Variants in SYT16 observed in about 807,000 individuals in gnomAD.
SYT16 encodes the protein synaptotagmin-16.
Under a neutral mutation model 61.4 loss-of-function variants are expected in SYT16, and 42 were observed. The observed-to-expected ratio is 0.68, with a 90% CI of 0.53 to 0.89. SYT16 has a LOEUF of 0.89. SYT16 is among the 40% of genes least tolerant of loss of function. The pLI is 0.00. For missense variants in SYT16, 804 were observed against 807.3 expected (o/e 1.00, Z 0.05); for synonymous variants, 314 against 302.3 (o/e 1.04, Z -0.40).
chr14:61,878,174 C>T (rs538728131), intron 1 of SYT16, among the ~76,000 whole-genome samples: 72 of 152,220 alleles, frequency 4.7e-4, no homozygotes, highest in Non-Finnish European at 4.9e-4. Flanking sequence ...TTTGCCTCTT[C>T]TTTTTATCTT....
At chr14:61,913,812 A>T (rs2049020861) in intron 1 of SYT16, among the ~76,000 whole-genome samples, 1 of 151,842 alleles carries the variant, frequency 6.6e-6, no homozygotes, top group South Asian at 2.1e-4. Context: ...TCTTCATAAG[A>T]AAAAGGCTCA....
intron 1 of SYT16, among the ~76,000 whole-genome samples, chr14:61,813,047 C>G (rs1047402263): frequency 1.3e-5 from 2 of 152,210 alleles, no homozygotes; most frequent in African/African-American, 4.8e-5. Flanking sequence ...GAGGGACCCT[C>G]GATGCCGTGT....
chr14:61,998,338 TC>T (rs1274307027), intron 3 of SYT16, among the ~76,000 whole-genome samples: 2 of 151,996 alleles, frequency 1.3e-5, no homozygotes, highest in Admixed American at 1.3e-4. Context: ...TCTCCTACAT[TC>T]CTTTTTAGTC....
At chr14:61,844,070 A>G (rs939254010) in intron 1 of SYT16, among the ~76,000 whole-genome samples, 3 of 152,074 alleles carry the variant, frequency 2.0e-5, no homozygotes, top group African/African-American at 7.2e-5. Context: ...TGCCTTCTTC[A>G]ATTTAGTTCA....
chr14:62,064,609 C>G (rs1410721030), intron 3 of SYT16, among the ~76,000 whole-genome samples: 1 of 152,000 alleles, frequency 6.6e-6, no homozygotes, highest in Non-Finnish European at 1.5e-5. Context: ...GAAGTTTTTT[C>G]CATGGGGAAA....
At chr14:61,884,863 C>T (rs1327796767) in intron 1 of SYT16, among the ~76,000 whole-genome samples, 5 of 152,218 alleles carry the variant, frequency 3.3e-5, no homozygotes, top group East Asian at 3.9e-4. Context: ...TAAATGTGAT[C>T]GGTGGTTTTG....
At chr14:61,945,055 C>G (rs891586172) in intron 1 of SYT16, among the ~76,000 whole-genome samples, 3 of 152,028 alleles carry the variant, frequency 2.0e-5, no homozygotes, top group Non-Finnish European at 4.4e-5. Flanking sequence ...AAAAACAACC[C>G]CATCAAAAAG....
At chr14:62,015,763 T>C (rs1412771746) in intron 3 of SYT16, among the ~76,000 whole-genome samples, 1 of 152,202 alleles carries the variant, frequency 6.6e-6, no homozygotes, top group Non-Finnish European at 1.5e-5. Context: ...GGACACTGAA[T>C]CTGCTGACAC....
chr14:61,944,433 C>G (rs1044586583), intron 1 of SYT16, among the ~76,000 whole-genome samples: 10 of 152,150 alleles, frequency 6.6e-5, no homozygotes, highest in Non-Finnish European at 1.3e-4. Flanking sequence ...CAAGACAATC[C>G]TGAGCAAAAA....
At chr14:62,048,170 T>C (rs1265245884) in intron 3 of SYT16, among the ~76,000 whole-genome samples, 1 of 152,258 alleles carries the variant, frequency 6.6e-6, no homozygotes. Context: ...TATTGGTCCA[T>C]TCAGGGATTC....
intron 1 of SYT16, among the ~76,000 whole-genome samples, chr14:61,882,735 C>T (rs1030498575): frequency 1.3e-5 from 2 of 152,202 alleles, no homozygotes; most frequent in African/African-American, 2.4e-5. Context: ...CAAGGCAAGT[C>T]CCTTCTGCCT....
chr14:61,947,420 A>G (rs954293586), intron 1 of SYT16, among the ~76,000 whole-genome samples: 1 of 152,084 alleles, frequency 6.6e-6, no homozygotes, highest in Non-Finnish European at 1.5e-5. Context: ...ACACAGCCCC[A>G]GAACCACTGA....
intron 3 of SYT16, among the ~76,000 whole-genome samples, chr14:62,068,496 A>G (rs180941189): frequency 5.3e-5 from 8 of 152,216 alleles, no homozygotes; most frequent in African/African-American, 1.4e-4. Context: ...GATCTAACCT[A>G]TAAGATGTGG....
chr14:62,027,944 G>A (rs187076209), intron 3 of SYT16, among the ~76,000 whole-genome samples: 1 of 152,282 alleles, frequency 6.6e-6, no homozygotes, highest in East Asian at 1.9e-4. Context: ...TGGGGGTTGT[G>A]CCAAATGTGG....
At chr14:61,987,348 T>C (rs2052357986) in intron 2 of SYT16, among the ~76,000 whole-genome samples, 1 of 152,180 alleles carries the variant, frequency 6.6e-6, no homozygotes, top group African/African-American at 2.4e-5. Context: ...AACTTTGCCA[T>C]AAGTGCAATG....
chr14:61,996,505 C>G lies in SYT16; in HGVS notation c.486C>G (p.Leu162=). 1.9e-6 allele frequency: 3 copies of G among 1,610,940 alleles called. No individual in the cohort carries two copies. The highest frequency in any genetic ancestry group is 2.5e-6 in the Non-Finnish European group (3 of 1,178,616). The stretch of plus-strand genomic sequence containing the variant: ...TTCAACATGGCTTTGACAGCCAGCT[C>G]CCTGGTACTTTAGAAACTGTTAATG... The part of the protein sequence containing the change: ...SGLQHGFDSQ[L]PGTLETVNGK... Residue 162 remains leucine (L), a synonymous_variant, in exon 3 of 8, where the codon CTC becomes CTG. Coordinates refer to ENST00000683842, the MANE Select transcript of SYT16 (RefSeq NM_001367656.1).
intron 1 of SYT16, among the ~76,000 whole-genome samples, chr14:61,874,802 TTGCACATAA>T (rs1026549741): frequency 6.6e-6 from 1 of 152,092 alleles, no homozygotes; most frequent in Admixed American, 6.6e-5. Context: ...TTCTAACACT[TTGCACATAA>T]GAAATTTTCC....
intron 1 of SYT16, among the ~76,000 whole-genome samples, chr14:61,955,280 TG>T (rs1409511212): frequency 1.3e-5 from 2 of 152,140 alleles, no homozygotes; most frequent in Non-Finnish European, 2.9e-5. Flanking sequence ...CCCACTATTT[TG>T]GGGGTGAAGT....
chr14:61,973,523 C>T (rs1478646190), intron 2 of SYT16, among the ~76,000 whole-genome samples: 1 of 151,968 alleles, frequency 6.6e-6, no homozygotes, highest in Non-Finnish European at 1.5e-5. Flanking sequence ...AACAAAAAAG[C>T]CAATATTCAG....
Sources: gnomAD v4.1 joint callset for allele counts (sites outside exome capture counted in the v4.1 genomes callset) on GRCh38, gnomAD v4.1.1 for gene constraint, MANE v1.5 for transcripts, NCBI Gene and HGNC (gene_info 2026-07-23, HGNC 2026-07-21) for gene names.